HIRA: variants seen among roughly 807,000 people sequenced by gnomAD.
The protein encoded by HIRA is protein HIRA.
Under a neutral mutation model 126.6 loss-of-function variants are expected in HIRA, and 13 were observed. The ratio of observed to expected loss-of-function variants is 0.10; its 90% CI spans 0.07 to 0.16. HIRA has a LOEUF of 0.16. HIRA is among the 10% of genes least tolerant of loss of function. The probability of loss-of-function intolerance (pLI) is 1.00; values close to 1 mark genes in which losing one functional copy is unlikely to be tolerated. For missense variants in HIRA, 834 were observed against 1,314.4 expected, an observed-to-expected ratio of 0.63 and a Z score of 5.65; for synonymous variants, 511 against 520.0, an observed-to-expected ratio of 0.98 and a Z score of 0.24.
At chr22:19,350,872 C>T (rs2088749310) in intron 24 of HIRA, among the ~76,000 whole-genome samples, 1 of 152,114 alleles carries the variant, frequency 6.6e-6, no homozygotes, top group Non-Finnish European at 1.5e-5. Flanking sequence ...ATGGCTGTCT[C>T]ACTCTTCTCC....
intron 13 of HIRA, among the ~76,000 whole-genome samples, chr22:19,380,709 T>C (rs2089065145): frequency 6.6e-6 from 1 of 152,180 alleles, no homozygotes; most frequent in Admixed American, 6.5e-5. Context: ...GTTCAAGCAA[T>C]TCTCCTGCCT....
At chr22:19,355,894 G>T in intron 20 of HIRA, 29 bp from the exon 21 acceptor site, 1 of 1,479,218 alleles carries the variant, frequency 6.8e-7, no homozygotes, top group Non-Finnish European at 9.4e-7. Context: ...TGAGTTCTGG[G>T]TGTGCTCTGA....
At chr22:19,408,649 AT>A in intron 2 of HIRA, 56 bp from the exon 3 acceptor site, 5 of 960,826 alleles carry the variant, frequency 5.2e-6, no homozygotes, top group Non-Finnish European at 8.5e-6. Context: ...TTTGATATTA[AT>A]ATTTAATGTC....
chr22:19,390,601 C>CAAAAAAAAAAAAAAAAAAAA lies in HIRA; in HGVS notation c.936+1480_936+1499dup. Among the ~76,000 whole-genome samples, 106 of 38,338 alleles carry CAAAAAAAAAAAAAAAAAAAA rather than the reference C, an allele frequency of 2.8e-3. 18 individuals carry two copies. Among genetic ancestry groups the CAAAAAAAAAAAAAAAAAAAA allele is most frequent in the Non-Finnish European group, 4.5e-3 (93 of 20,704 alleles). The allele number at this position is 38,338 out of a possible 152,430, so 25.2% of individuals were successfully genotyped here. ...TGGGCAATAGAGGGAGACTCTGTCT[C>CAAAAAAAAAAAAAAAAAAAA]AAAAAAAAAAAAAAAAAAAAAAAAA... is the stretch of plus-strand genomic sequence containing the variant. On this transcript the variant is annotated intron_variant, in intron 9 of 24. Coordinates refer to ENST00000263208, the MANE Select transcript of HIRA (RefSeq NM_003325.4).
At chr22:19,404,850 CCCTAT>C (rs2089295867) in intron 5 of HIRA, among the ~76,000 whole-genome samples, 4 of 152,146 alleles carry the variant, frequency 2.6e-5, no homozygotes, top group Admixed American at 2.6e-4. Context: ...CCTCTCTGTG[CCCTAT>C]CCTAAGTATT....
At chr22:19,376,119 C>T (rs995793244) in intron 14 of HIRA, among the ~76,000 whole-genome samples, 7 of 152,120 alleles carry the variant, frequency 4.6e-5, no homozygotes, top group Admixed American at 4.6e-4. Context: ...AACTTAAATA[C>T]AGCACCTCTA....
intron 24 of HIRA, among the ~76,000 whole-genome samples, chr22:19,340,140 G>T (rs577329297): frequency 6.6e-6 from 1 of 152,178 alleles, no homozygotes; most frequent in African/African-American, 2.4e-5. Context: ...CTACCTAATC[G>T]AATCAAATGG....
chr22:19,392,060 A>G, intron 9 of HIRA, 41 bp downstream of exon 9: 1 of 1,209,430 alleles, frequency 8.3e-7, no homozygotes, highest in Non-Finnish European at 1.2e-6. Context: ...ACCAACCTAC[A>G]CCTCCCGTCC....
At chr22:19,366,423 A>G (rs1243424003) in intron 15 of HIRA, among the ~76,000 whole-genome samples, 1 of 152,238 alleles carries the variant, frequency 6.6e-6, no homozygotes, top group African/African-American at 2.4e-5. Context: ...TGGGCAAAGT[A>G]ATCTGGAAAG....
chr22:19,396,754 G>A (rs367778246), intron 7 of HIRA, 33 bp downstream of exon 7: 51 of 1,608,196 alleles, frequency 3.2e-5, no homozygotes, highest in African/African-American at 2.5e-4. Context: ...GGGCAGCTGC[G>A]GGGGCTCAGC....
rs2088944032 is a variant in HIRA, at chr22:19,369,405, T to C, written c.1775+6226A>G. Among the ~76,000 whole-genome samples, 3 of 152,142 alleles carry C rather than the reference T, an allele frequency of 2.0e-5. No homozygotes were observed. The South Asian group carries it at 6.2e-4, about 32-fold the overall frequency. ...AGGAGCTGACATGTGCTGCTCACCG[T>C]GAGGCAAGGACCAAGATACGGCTTT... On this transcript the variant is annotated intron_variant, in intron 15 of 24. Transcript: ENST00000263208.
chr22:19,361,572 C>T (rs975807685), intron 16 of HIRA, among the ~76,000 whole-genome samples, 155 bp downstream of exon 16: 1 of 152,220 alleles, frequency 6.6e-6, no homozygotes, highest in Admixed American at 6.5e-5. Context: ...TGAGGGAGAG[C>T]GTGGCCTCCA....
At position 19,351,137 on chromosome 22, in the gene HIRA, C is replaced by A. The variant is rs559659936; in HGVS notation, c.2937+221G>T. The A allele has an allele frequency of 8.1e-6, 8 of 985,232 alleles. No homozygotes were observed. The highest frequency in any genetic ancestry group is 9.6e-6 in the Non-Finnish European group (8 of 829,930). The allele number at this position is 985,232 out of a possible 1,614,324, so 61.0% of individuals were successfully genotyped here. A position where few individuals can be genotyped will look rare whatever the true frequency, so the allele number is the denominator to read the frequency against. On this transcript the variant is annotated intron_variant, in intron 24 of 24. Transcript: ENST00000263208. This position sits in a 1 kb window ranked among gnomAD's most constrained non-coding sequence, Gnocchi z 4.8. ...CAGGCAGCCTCCCTCAGCACAGGCACGTGGCGGAGCACTCCGTGGCTCCTG... is the reference window on the plus strand; with the variant it reads ...CAGGCAGCCTCCCTCAGCACAGGCAAGTGGCGGAGCACTCCGTGGCTCCTG...
intron 24 of HIRA, 28 bp from the exon 25 acceptor site, chr22:19,331,584 C>T: frequency 6.4e-7 from 1 of 1,562,448 alleles, no homozygotes. Context: ...CAGCTGAGTG[C>T]AAGTGTCAGT....
chr22:19,343,554 C>T (rs1006199922), intron 24 of HIRA, among the ~76,000 whole-genome samples: 1 of 152,086 alleles, frequency 6.6e-6, no homozygotes, highest in Non-Finnish European at 1.5e-5. Flanking sequence ...CAGAGTCAGA[C>T]TCTGTCTCCA....
intron 24 of HIRA, among the ~76,000 whole-genome samples, chr22:19,335,768 A>G (rs984785319): frequency 3.9e-5 from 6 of 152,168 alleles, no homozygotes; most frequent in African/African-American, 1.4e-4. Flanking sequence ...CCGGCTTCAT[A>G]ATAAACCCAA....
chr22:19,375,576 T>G (rs2089010059), intron 15 of HIRA, 55 bp downstream of exon 15: 1 of 1,587,178 alleles, frequency 6.3e-7, no homozygotes, highest in African/African-American at 1.3e-5. Flanking sequence ...CACTGTGCTG[T>G]TGACCCATGC....
At chr22:19,413,061 C>T (rs145082987) in intron 1 of HIRA, among the ~76,000 whole-genome samples, 179 of 152,112 alleles carry the variant, frequency 1.2e-3, no homozygotes, top group Non-Finnish European at 2.1e-3. Flanking sequence ...AGGGGACGCA[C>T]GGCATGGAAT....
At chr22:19,346,874 C>G (rs1454532101) in intron 24 of HIRA, among the ~76,000 whole-genome samples, 1 of 152,150 alleles carries the variant, frequency 6.6e-6, no homozygotes, top group Non-Finnish European at 1.5e-5. Context: ...TTCTCTTAGG[C>G]AGAGCCTCAG....
Sources: gnomAD v4.1 joint callset for allele counts (sites outside exome capture counted in the v4.1 genomes callset) on GRCh38, gnomAD v4.1.1 for gene constraint, Gnocchi (gnomAD v3.1) non-coding constraint, MANE v1.5 for transcripts, NCBI Gene and HGNC (gene_info 2026-07-23, HGNC 2026-07-21) for gene names.